RAB3C: variants seen among roughly 807,000 people sequenced by gnomAD.
The protein encoded by RAB3C is ras-related protein Rab-3C.
Under a neutral mutation model 26.4 loss-of-function variants are expected in RAB3C, and 17 were observed. The ratio of observed to expected loss-of-function variants is 0.64; its 90% CI spans 0.44 to 0.97. The LOEUF (loss-of-function observed/expected upper bound fraction) is 0.97. Among genes scored for constraint, RAB3C ranks in the 50% least tolerant of loss-of-function variants. The pLI, the probability that RAB3C is intolerant of heterozygous loss-of-function variation, is 0.00. For missense variants in RAB3C, 242 were observed against 281.9 expected, an observed-to-expected ratio of 0.86 and a Z score of 1.01; for synonymous variants, 91 against 95.9, an observed-to-expected ratio of 0.95 and a Z score of 0.30.
intron 2 of RAB3C, among the ~76,000 whole-genome samples, chr5:58,700,509 G>T (rs1748819506): frequency 6.6e-6 from 1 of 152,140 alleles, no homozygotes; most frequent in Admixed American, 6.5e-5. Context: ...TTAACTTATG[G>T]ATCTAATGGA....
chr5:58,586,166 A>G (rs1053857360), intron 1 of RAB3C, among the ~76,000 whole-genome samples: 60 of 152,196 alleles, frequency 3.9e-4, no homozygotes, highest in African/African-American at 1.4e-3. Flanking sequence ...CTATATAACA[A>G]TCATACATAT....
chr5:58,843,000 G>A (rs1352922585), intron 4 of RAB3C, among the ~76,000 whole-genome samples: 1 of 152,192 alleles, frequency 6.6e-6, no homozygotes, highest in Non-Finnish European at 1.5e-5. Context: ...AAGGTTAAGA[G>A]TGTGGACTTT....
At chr5:58,596,434 G>A (rs1332206991) in intron 1 of RAB3C, among the ~76,000 whole-genome samples, 1 of 146,508 alleles carries the variant, frequency 6.8e-6, no homozygotes, top group African/African-American at 2.5e-5. Flanking sequence ...ATTGTAGAGA[G>A]GTTTAGGGAA....
At chr5:58,799,327 A>C (rs961976474) in intron 3 of RAB3C, among the ~76,000 whole-genome samples, 3 of 152,140 alleles carry the variant, frequency 2.0e-5, no homozygotes, top group Admixed American at 6.5e-5. Context: ...ATGTATGGCA[A>C]CTTCTACTTG....
At chr5:58,651,599 G>A (rs538302168) in intron 2 of RAB3C, among the ~76,000 whole-genome samples, 19 of 152,172 alleles carry the variant, frequency 1.2e-4, no homozygotes, top group African/African-American at 4.3e-4. Flanking sequence ...ATAAAACTAA[G>A]CATTATATGG....
At position 58,709,341 on chromosome 5, in the gene RAB3C, T is replaced by A. The variant is rs113844962; in HGVS notation, c.253-16661T>A. ...CCCTGGGTGCCCATGGGACTCACCC[T>A]CTGTACACCACCCAGGCCCTTCTAC... On this transcript the variant is annotated intron_variant, in intron 2 of 4. Coordinates refer to ENST00000282878, the MANE Select transcript of RAB3C (RefSeq NM_138453.4). Among the ~76,000 whole-genome samples, 635 of 152,288 alleles carry A rather than the reference T, an allele frequency of 4.2e-3. 1 individual carries two copies. Among genetic ancestry groups the A allele is most frequent in the African/African-American group, 0.013 (538 of 41,576 alleles).
intron 2 of RAB3C, among the ~76,000 whole-genome samples, chr5:58,658,104 A>C (rs1386343246): frequency 1.3e-5 from 2 of 152,344 alleles, no homozygotes; most frequent in South Asian, 2.1e-4. Flanking sequence ...AAACTGCTTC[A>C]TACGTGTCTA....
chr5:58,705,504 A>G lies in RAB3C; in HGVS notation c.253-20498A>G, dbSNP rs146765728. On this transcript the variant is annotated intron_variant, in intron 2 of 4. Coordinates refer to ENST00000282878, the MANE Select transcript of RAB3C (RefSeq NM_138453.4). ...TTGCATTATGGTATTTGGATTTGCT[A>G]TTTATTAGGAAAGGAGTTAAGAGGT... Among the ~76,000 whole-genome samples, 14 of 152,300 alleles carry G rather than the reference A, an allele frequency of 9.2e-5. No individual in the cohort carries two copies. In the South Asian group the frequency reaches 1.7e-3, roughly 18 times the overall value.
chr5:58,845,091 A>G (rs1444921910), intron 4 of RAB3C, among the ~76,000 whole-genome samples: 1 of 152,204 alleles, frequency 6.6e-6, no homozygotes, highest in East Asian at 1.9e-4. Context: ...TCACATGTGG[A>G]ATGGAGTCCC....
intron 4 of RAB3C, among the ~76,000 whole-genome samples, chr5:58,847,977 C>T (rs575091516): frequency 6.6e-6 from 1 of 152,282 alleles, no homozygotes; most frequent in Admixed American, 6.5e-5. Context: ...CTGGCTCAGC[C>T]TCCTGAGTAG....
At chr5:58,647,393 A>C (rs867055545) in intron 2 of RAB3C, among the ~76,000 whole-genome samples, 12 of 152,150 alleles carry the variant, frequency 7.9e-5, no homozygotes, top group African/African-American at 2.9e-4. Context: ...AACTTGCCAA[A>C]CACTTATAAA....
intron 4 of RAB3C, 79 bp downstream of exon 4, chr5:58,825,241 G>A (rs182007804): frequency 3.7e-6 from 5 of 1,357,898 alleles, no homozygotes; most frequent in Non-Finnish European, 4.9e-6. Context: ...CGAGCTAATT[G>A]TCAGGGTGGA....
At chr5:58,655,437 C>T (rs1176361926) in intron 2 of RAB3C, among the ~76,000 whole-genome samples, 3 of 152,044 alleles carry the variant, frequency 2.0e-5, no homozygotes, top group South Asian at 2.1e-4. Context: ...AAGATAAAAC[C>T]GGAATCGCTC....
At chr5:58,729,680 C>T (rs191700143) in intron 3 of RAB3C, among the ~76,000 whole-genome samples, 10 of 147,428 alleles carry the variant, frequency 6.8e-5, no homozygotes, top group East Asian at 5.9e-4. Flanking sequence ...ACACACAATA[C>T]GTGTTACATA....
At chr5:58,660,403 C>G (rs1454127050) in intron 2 of RAB3C, among the ~76,000 whole-genome samples, 1 of 149,970 alleles carries the variant, frequency 6.7e-6, no homozygotes, top group Non-Finnish European at 1.5e-5. Flanking sequence ...CCATTCACTC[C>G]CACCCCAAGC....
In RAB3C at chr5:58,726,001, G is replaced by T; in HGVS notation, c.253-1G>T. ...ATTATCATTTTTTTTTTATTCTTTAGGACACAGCAGGCCAGGAAAGATACA... is the reference window on the plus strand; with the variant it reads ...ATTATCATTTTTTTTTTATTCTTTATGACACAGCAGGCCAGGAAAGATACA... On this transcript the variant is annotated splice_acceptor_variant, in intron 2 of 4. Transcript: ENST00000282878. LOFTEE classifies it high-confidence loss of function. 1.3e-6 allele frequency: 2 copies of T among 1,546,464 alleles called. No homozygotes were observed. Among genetic ancestry groups the T allele is most frequent in the African/African-American group, 1.4e-5 (1 of 71,852 alleles).
At chr5:58,783,136 T>C (rs1742306807) in intron 3 of RAB3C, among the ~76,000 whole-genome samples, 1 of 152,166 alleles carries the variant, frequency 6.6e-6, no homozygotes, top group Admixed American at 6.6e-5. Flanking sequence ...ATCCTCCCTT[T>C]GCTAGGAGTT....
intron 2 of RAB3C, among the ~76,000 whole-genome samples, chr5:58,695,335 A>G (rs1401677714): frequency 1.3e-5 from 2 of 152,112 alleles, no homozygotes; most frequent in Non-Finnish European, 2.9e-5. Context: ...GCTTTGTAGT[A>G]TAATTTGAAG....
intron 1 of RAB3C, among the ~76,000 whole-genome samples, chr5:58,593,605 G>A (rs1038190413): frequency 2.0e-5 from 3 of 152,072 alleles, no homozygotes; most frequent in African/African-American, 7.2e-5. Context: ...TTAACAAGGT[G>A]CAAAATTGTA....
Sources: gnomAD v4.1 joint callset for allele counts (sites outside exome capture counted in the v4.1 genomes callset) on GRCh38, gnomAD v4.1.1 for gene constraint, MANE v1.5 for transcripts, NCBI Gene and HGNC (gene_info 2026-07-23, HGNC 2026-07-21) for gene names.